ROBO1: variants seen among roughly 807,000 people sequenced by gnomAD.
The protein encoded by ROBO1 is roundabout homolog 1.
A neutral mutation model predicts 195.9 loss-of-function variants in ROBO1; 149 were observed. The observed-to-expected ratio is 0.76, with a 90% confidence interval of 0.67 to 0.87. The LOEUF is 0.87. Ranked by LOEUF, ROBO1 falls within the 40% of genes least tolerant of loss-of-function variation. ROBO1 has a pLI of 0.00. For missense variants in ROBO1, 1,933 were observed against 2,068.3 expected (o/e 0.93, Z 1.27); for synonymous variants, 816 against 733.2 (o/e 1.11, Z -1.82).
chr3:78,854,683 A>C (rs1410946044), intron 4 of ROBO1, among the ~76,000 whole-genome samples: 4 of 152,148 alleles, frequency 2.6e-5, no homozygotes, highest in Non-Finnish European at 5.9e-5. Context: ...TTAGAAATTC[A>C]TAGTACAACT....
At chr3:79,377,935 CTT>C (rs1452172162) in intron 2 of ROBO1, among the ~76,000 whole-genome samples, 6 of 152,166 alleles carry the variant, frequency 3.9e-5, no homozygotes, top group African/African-American at 1.4e-4. Flanking sequence ...GATGAGCAGA[CTT>C]TGCATGACAA....
chr3:79,549,530 CCT>C (rs1387690596), intron 2 of ROBO1, among the ~76,000 whole-genome samples: 1 of 152,058 alleles, frequency 6.6e-6, no homozygotes, highest in African/African-American at 2.4e-5. Flanking sequence ...ACATGTACAG[CCT>C]TTTTTTCCCT....
At chr3:78,954,728 A>ATTTC (rs138311434) in intron 3 of ROBO1, among the ~76,000 whole-genome samples, 21,702 of 151,860 alleles carry the variant, frequency 0.14, 2,269 homozygotes, top group African/African-American at 0.3. Context: ...TCTGCACTTC[A>ATTTC]TTTCTTTATA....
At chr3:79,312,297 G>A (rs1181145569) in intron 2 of ROBO1, among the ~76,000 whole-genome samples, 2 of 152,060 alleles carry the variant, frequency 1.3e-5, no homozygotes, top group Non-Finnish European at 2.9e-5. Context: ...TGGATATAGA[G>A]CACATCATGA....
chr3:79,435,145 T>G (rs1282344421), intron 2 of ROBO1, among the ~76,000 whole-genome samples: 1 of 152,150 alleles, frequency 6.6e-6, no homozygotes, highest in African/African-American at 2.4e-5. Context: ...CACACCAACA[T>G]GACACATGTA....
At chr3:78,727,134 A>G (rs548560518) in intron 5 of ROBO1, among the ~76,000 whole-genome samples, 1 of 152,252 alleles carries the variant, frequency 6.6e-6, no homozygotes, top group African/African-American at 2.4e-5. Context: ...CTAGTACCAT[A>G]ATTATTTTGT....
chr3:78,784,344 A>G (rs1377348933), intron 4 of ROBO1, among the ~76,000 whole-genome samples: 1 of 152,186 alleles, frequency 6.6e-6, no homozygotes, highest in African/African-American at 2.4e-5. Context: ...ACTTAATAGA[A>G]AGTTAGTCAT....
chr3:78,769,882 T>C (rs988894599), intron 4 of ROBO1, among the ~76,000 whole-genome samples: 3 of 152,258 alleles, frequency 2.0e-5, no homozygotes, highest in South Asian at 4.1e-4. Flanking sequence ...ATTGTTTTGT[T>C]TGAGGAGGCT....
chr3:78,967,056 A>T (rs1411458270), intron 3 of ROBO1, among the ~76,000 whole-genome samples: 2 of 152,220 alleles, frequency 1.3e-5, no homozygotes, highest in Non-Finnish European at 2.9e-5. Flanking sequence ...TGTCTGGCAC[A>T]TATGTAATAA....
intron 4 of ROBO1, among the ~76,000 whole-genome samples, chr3:78,817,798 A>T (rs1468191875): frequency 6.6e-6 from 1 of 152,204 alleles, no homozygotes; most frequent in African/African-American, 2.4e-5. Context: ...TCAGAGTTTC[A>T]ATGGTCATAG....
chr3:78,953,748 T>G (rs931328433), intron 3 of ROBO1, among the ~76,000 whole-genome samples: 1 of 151,958 alleles, frequency 6.6e-6, no homozygotes, highest in Non-Finnish European at 1.5e-5. Flanking sequence ...TACTTCTTAG[T>G]TGTTTGAACT....
intron 2 of ROBO1, among the ~76,000 whole-genome samples, chr3:79,343,978 A>G (rs542534539): frequency 6.6e-6 from 1 of 152,240 alleles, no homozygotes; most frequent in Admixed American, 6.5e-5. Context: ...GCCCCATCTC[A>G]GTACTAAAGT....
chr3:79,674,991 G>A (rs777087923), intron 1 of ROBO1, among the ~76,000 whole-genome samples: 14 of 151,618 alleles, frequency 9.2e-5, no homozygotes, highest in Non-Finnish European at 1.5e-4. Context: ...TTTATTCCTG[G>A]TAAAAATTTC....
intron 3 of ROBO1, among the ~76,000 whole-genome samples, chr3:78,946,519 G>A (rs1042467773): frequency 6.6e-6 from 1 of 152,160 alleles, no homozygotes; most frequent in Admixed American, 6.5e-5. Flanking sequence ...GCTCCTGAAG[G>A]AAGCACTAAA....
At chr3:79,656,104 C>T (rs577740558) in intron 1 of ROBO1, among the ~76,000 whole-genome samples, 20 of 152,182 alleles carry the variant, frequency 1.3e-4, no homozygotes, top group Admixed American at 3.3e-4. Context: ...ACACCTTCTA[C>T]GATGGTTTTA....
At chr3:79,732,115 T>C (rs1703176526) in intron 1 of ROBO1, among the ~76,000 whole-genome samples, 1 of 151,978 alleles carries the variant, frequency 6.6e-6, no homozygotes, top group South Asian at 2.1e-4. Context: ...TATGTTACTA[T>C]ATTAAATATT....
intron 1 of ROBO1, among the ~76,000 whole-genome samples, chr3:79,733,132 C>G (rs907185578): frequency 6.6e-6 from 1 of 152,098 alleles, no homozygotes; most frequent in Non-Finnish European, 1.5e-5. Context: ...TCGATAAATC[C>G]GCAAGGGCTA....
intron 2 of ROBO1, among the ~76,000 whole-genome samples, chr3:79,534,950 G>C (rs949410941): frequency 2.0e-5 from 3 of 152,062 alleles, no homozygotes; most frequent in African/African-American, 7.2e-5. Flanking sequence ...TCTCTGCTTA[G>C]TTTGATGTTT....
In ROBO1 at chr3:79,419,421, G is replaced by A. The variant is rs1025615354; in HGVS notation, c.88+170403C>T. Among the ~76,000 whole-genome samples, 6 of 152,060 alleles carry A rather than the reference G, an allele frequency of 3.9e-5. 1 individual carries two copies. The highest frequency in any genetic ancestry group is 1.3e-4 in the Admixed American group (2 of 15,254). Reference sequence around the variant, plus strand: ...ATGAGTCAGTTTTTTAAGCAGAGCCGTGGGTTGTGTCTGTGTAAAAGAAAA... The same window carrying A: ...ATGAGTCAGTTTTTTAAGCAGAGCCATGGGTTGTGTCTGTGTAAAAGAAAA... On this transcript the variant is annotated intron_variant, in intron 2 of 30. Transcript: ENST00000464233.
Sources: allele counts gnomAD v4.1 joint callset (sites outside exome capture counted in the v4.1 genomes callset), GRCh38; gene constraint gnomAD v4.1.1; transcripts MANE v1.5; gene names NCBI Gene and HGNC (gene_info 2026-07-23, HGNC 2026-07-21).